Variants in CILP observed in about 807,000 individuals in gnomAD.
CILP encodes the protein cartilage intermediate layer protein, also known as cartilage intermediate layer protein 1.
Under a neutral mutation model 82.5 loss-of-function variants are expected in CILP, and 75 were observed. The ratio of observed to expected loss-of-function variants is 0.91; its 90% CI spans 0.75 to 1.10. The LOEUF (loss-of-function observed/expected upper bound fraction) is 1.10, where lower values mean the gene tolerates loss of function less well. Among genes scored for constraint, CILP ranks in the 50% least tolerant of loss-of-function variants. The pLI is 0.00. For missense variants in CILP, 1,479 were observed against 1,530.8 expected (o/e 0.97, Z 0.56); for synonymous variants, 530 against 580.3 (o/e 0.91, Z 1.25).
In CILP at chr15:65,209,872, A is replaced by G; in HGVS notation, c.-106-11T>C. 6 of 773,664 alleles carry G rather than the reference A, an allele frequency of 7.8e-6. No individual in the cohort carries two copies. The highest frequency in any genetic ancestry group is 1.3e-5 in the Non-Finnish European group (6 of 457,692). The allele number at this position is 773,664 out of a possible 1,614,324, so 47.9% of individuals were successfully genotyped here. A position where few individuals can be genotyped will look rare whatever the true frequency, so the allele number is the denominator to read the frequency against. ...CTCAGATCCAGTGACCTGTAAAGAA[A>G]CAAAGCTTGTCAGGTTTCATATTTC... On this transcript the variant is annotated splice_polypyrimidine_tract_variant and intron_variant, in intron 1 of 8. Transcript: ENST00000261883.
intron 2 of CILP, among the ~76,000 whole-genome samples, chr15:65,208,606 G>C (rs539892382): frequency 4.6e-5 from 7 of 152,138 alleles, no homozygotes; most frequent in African/African-American, 1.7e-4. Context: ...TTTTCCATAC[G>C]AGGCTGGCAG....
intron 2 of CILP, among the ~76,000 whole-genome samples, chr15:65,209,012 C>CTTTTTTTTTTTTTTTTTTTTTTTTTTTT: frequency 1.4e-5 from 1 of 69,980 alleles, no homozygotes; most frequent in Non-Finnish European, 2.4e-5. Flanking sequence ...GGGTTTTGAG[C>CTTTTTTTTTTTTTTTTTTTTTTTTTTTT]TTTTTTTTTT....
In CILP at chr15:65,204,475, C is replaced by T. The variant is rs1421607256; in HGVS notation, c.712G>A (p.Ala238Thr). ...AGGAGGTAGATAGCAGCCCCTGAGGCTGGGGCACCTCCGGGAAGGGAGACA... is the reference window on the plus strand; with the variant it reads ...AGGAGGTAGATAGCAGCCCCTGAGGTTGGGGCACCTCCGGGAAGGGAGACA... The part of the protein sequence containing the change: ...GAVSLPGGAP[A>T]SGAAIYLLTK... The change falls in exon 6 of 9, where the codon GCC (alanine) becomes ACC (threonine). Residue 238 changes from alanine to threonine, a missense_variant. Physicochemically the swap from Ala to Thr is moderately conservative, Grantham distance 58. Coordinates refer to ENST00000261883, the MANE Select transcript of CILP (RefSeq NM_003613.4). 6.2e-7 allele frequency: 1 copy of T among 1,613,920 alleles called. No homozygotes were observed. The highest frequency in any genetic ancestry group is 1.3e-5 in the African/African-American group (1 of 74,934).
At position 65,203,409 on chromosome 15, in the gene CILP, A is replaced by G. The variant is rs35566210; in HGVS notation, c.981T>C (p.Ser327=). The G allele has an allele frequency of 5.9e-3, 9,596 of 1,613,126 alleles. 141 individuals are homozygous for G. Among genetic ancestry groups the G allele is most frequent in the African/African-American group, 0.042 (3,184 of 75,008 alleles). ...TKARRAGQSV[S]LCCKATGKPR... is the part of the protein sequence containing the mutation. ...GCTTCCCTGTGGCCTTACAGCACAG[A>G]GACACGCTCTGCCCAGCTCTCCGTG... The change falls in exon 7 of 9, where the codon TCT becomes TCC. Residue 327 remains serine, a synonymous_variant. Transcript: ENST00000261883.
In CILP at chr15:65,204,416, G is replaced by C. The variant is rs201098875; in HGVS notation, c.771C>G (p.Asp257Glu). ...CAGGGATTCGGAATCTCCCATCACT[G>C]TCTGTCTGGGTCAGCAGCTTCGGCG... is the stretch of plus-strand genomic sequence containing the variant. ...TKTPKLLTQT[D>E]SDGRFRIPGL... The change falls in exon 6 of 9, where the codon GAC becomes GAG. Residue 257 changes from aspartate to glutamate, a missense_variant. Asp to Glu is a conservative substitution (Grantham distance 45). Transcript: ENST00000261883. The C allele has an allele frequency of 1.2e-6, 2 of 1,614,138 alleles. No homozygotes were observed. Among genetic ancestry groups the C allele is most frequent in the Admixed American group, 1.7e-5 (1 of 60,006 alleles).
chr15:65,197,319 A>G lies in CILP; in HGVS notation c.2967T>C (p.Asp989=). 1.2e-6 allele frequency: 2 copies of G among 1,614,112 alleles called. No homozygotes were observed. Among genetic ancestry groups the G allele is most frequent in the South Asian group, 2.2e-5 (2 of 91,054 alleles). The change falls in exon 9 of 9, where the codon GAT becomes GAC. Residue 989 remains aspartate (D), a synonymous_variant. Coordinates refer to ENST00000261883, the MANE Select transcript of CILP (RefSeq NM_003613.4). ...GGTCCCTGTCCCGAGTGCTCCTCAC[A>G]TCTCGGATTCCATACAGCTTCCCCA... is the stretch of plus-strand genomic sequence containing the variant. ...QTVGKLYGIR[D]VRSTRDRDQP...
In CILP at chr15:65,197,481, C is replaced by T; in HGVS notation, c.2805G>A (p.Met935Ile). 6.2e-7 allele frequency: 1 copy of T among 1,614,254 alleles called. No homozygotes were observed. The highest frequency in any genetic ancestry group is 8.5e-7 in the Non-Finnish European group (1 of 1,180,058). Residue 935 changes from methionine (M) to isoleucine (I), a missense_variant, in exon 9 of 9, where the codon ATG becomes ATA. Coordinates refer to ENST00000261883, the MANE Select transcript of CILP (RefSeq NM_003613.4). ...NTVPFNEDDP[M>I]SWTEDYLAWW... is the part of the protein sequence containing the mutation. The stretch of plus-strand genomic sequence containing the variant: ...ATGCCAGATAGTCTTCAGTCCAGCT[C>T]ATAGGGTCATCTTCGTTGAAGGGGA...
intron 6 of CILP, 23 bp from the exon 7 acceptor site, chr15:65,203,493 G>A: frequency 6.3e-7 from 1 of 1,582,464 alleles, no homozygotes; most frequent in Non-Finnish European, 8.7e-7. Flanking sequence ...ATGAGAAATA[G>A]CATTTTGGGT....
In CILP at chr15:65,197,019, CTCCTTGGCCGTGCGAGGG is replaced by C; in HGVS notation, c.3249_3266del (p.Asp1083_Lys1088del). ...CATCAAAGCACCGGCCGAGCGCGATCTCCTTGGCCGTGCGAGGGTCCTGGTCAGTGACAGTGTAGATGC... is the reference window on the plus strand; with the variant it reads ...CATCAAAGCACCGGCCGAGCGCGATCTCCTGGTCAGTGACAGTGTAGATGC... On this transcript the variant is annotated inframe_deletion, in exon 9 of 9. Coordinates refer to ENST00000261883, the MANE Select transcript of CILP (RefSeq NM_003613.4). 6.2e-7 allele frequency: 1 copy of C among 1,614,230 alleles called. No homozygotes were observed.
chr15:65,202,246 G>T (rs892429218), intron 7 of CILP, among the ~76,000 whole-genome samples: 2 of 152,150 alleles, frequency 1.3e-5, no homozygotes, highest in African/African-American at 4.8e-5. Flanking sequence ...GGCTGGGGAT[G>T]CTTGGACAAC....
intron 2 of CILP, among the ~76,000 whole-genome samples, chr15:65,208,291 G>A (rs1329444694): frequency 1.3e-5 from 2 of 152,212 alleles, no homozygotes; most frequent in African/African-American, 4.8e-5. Context: ...GATTGACAGT[G>A]TGGGCTCCTG....
rs201362899 is a variant in CILP, at chr15:65,198,952, A to G, written c.1334T>C (p.Ile445Thr). 1.9e-5 allele frequency: 30 copies of G among 1,613,764 alleles called. No individual in the cohort carries two copies. Among genetic ancestry groups the G allele is most frequent in the Non-Finnish European group, 2.4e-5 (28 of 1,180,034 alleles). ...GTTCTGCACAGCATCACGGCACCTG[A>G]TCCCATTATCCTGCTGCCCTGCACA... ...KTCAGQQDNG[I>T]RCRDAVQNCC... The change falls in exon 9 of 9, where the codon ATC becomes ACC. Residue 445 changes from isoleucine to threonine, a missense_variant. Physicochemically the swap from Ile to Thr is moderately conservative, Grantham distance 89 (BLOSUM62 -1). Coordinates refer to ENST00000261883, the MANE Select transcript of CILP (RefSeq NM_003613.4).
At chr15:65,200,798 A>G (rs190671662) in intron 8 of CILP, among the ~76,000 whole-genome samples, 140 of 152,296 alleles carry the variant, frequency 9.2e-4, no homozygotes, top group Non-Finnish European at 1.6e-3. Flanking sequence ...GACTCTCTGG[A>G]GGTAAGACTG....
chr15:65,205,421 G>C lies in CILP; in HGVS notation c.470C>G (p.Pro157Arg). The C allele has an allele frequency of 6.2e-7, 1 of 1,613,940 alleles. No individual in the cohort carries two copies. Among genetic ancestry groups the C allele is most frequent in the Non-Finnish European group, 8.5e-7 (1 of 1,179,924 alleles). The change falls in exon 5 of 9, where the codon CCC becomes CGC. Residue 157 changes from proline (P) to arginine (R), a missense_variant. Transcript: ENST00000261883. Reference sequence around the variant, plus strand: ...ACAGGCAGCTGAGCACTTGCTCCAGGGAGACCATGGGCTCCAGATGCGCTC... The same window carrying C: ...ACAGGCAGCTGAGCACTTGCTCCAGCGAGACCATGGGCTCCAGATGCGCTC... ...DTERIWSPWS[P>R]WSKCSAACGQ... is the part of the protein sequence containing the mutation.
At chr15:65,202,834 C>CTTTTTTTT (rs10634666) in intron 7 of CILP, among the ~76,000 whole-genome samples, 25 of 117,562 alleles carry the variant, frequency 2.1e-4, no homozygotes, top group African/African-American at 6.4e-4. Flanking sequence ...GGGACCACAG[C>CTTTTTTTT]TTTTTTTTTT....
Position 65,196,605 on chromosome 15 carries a change from G to T in CILP, c.*126C>A. On this transcript the variant is annotated 3_prime_UTR_variant, in exon 9 of 9. Transcript: ENST00000261883. ...CATGGGACAAAGTAAGTAAAGGCAT[G>T]AAGAAACAAACAAGCAAATTCACGA... The T allele has an allele frequency of 1.2e-6, 1 of 856,906 alleles. No homozygotes were observed. The highest frequency in any genetic ancestry group is 1.7e-6 in the Non-Finnish European group (1 of 575,796). 53.1% of individuals were successfully genotyped at this position (856,906 alleles called of 1,614,324 possible).
Position 65,198,496 on chromosome 15 carries a change from G to A in CILP, c.1790C>T (p.Pro597Leu). 1 of 1,614,242 alleles carries A rather than the reference G, an allele frequency of 6.2e-7. No individual in the cohort carries two copies. The stretch of plus-strand genomic sequence containing the variant: ...GGATGGAATCTCCAGTTCAGCCATG[G>A]GGTCTTCACCAACCACTTCCCCCAG... ...IPLGEVVGED[P>L]MAELEIPSRS... The change falls in exon 9 of 9, where the codon CCC becomes CTC. Residue 597 changes from proline (P) to leucine (L), a missense_variant. Pro to Leu is a moderately conservative substitution (Grantham distance 98). Coordinates refer to ENST00000261883, the MANE Select transcript of CILP (RefSeq NM_003613.4).
At position 65,197,902 on chromosome 15, in the gene CILP, C is replaced by T. The variant is rs564594161; in HGVS notation, c.2384G>A (p.Arg795His). The T allele has an allele frequency of 3.7e-5, 60 of 1,614,000 alleles. No homozygotes were observed. Among genetic ancestry groups the T allele is most frequent in the East Asian group, 6.7e-5 (3 of 44,872 alleles). ...GGGGCCTGTGATGACACTGTCAAAG[C>T]GGCCCCAGGCCCTAGGGTTGGACAA... ...GFLSNPRAWG[R>H]FDSVITGPNG... is the part of the protein sequence containing the mutation. Residue 795 changes from arginine to histidine, a missense_variant, in exon 9 of 9, where the codon CGC becomes CAC. Coordinates refer to ENST00000261883, the MANE Select transcript of CILP (RefSeq NM_003613.4).
In CILP at chr15:65,194,857, A is replaced by ACCCCCCCCCCAACCCC. The variant is rs1238102038; in HGVS notation, c.*1873_*1874insGGGGTTGGGGGGGGGG. The ACCCCCCCCCCAACCCC allele has an allele frequency of 2.8e-5, 2 of 71,030 alleles. No individual in the cohort carries two copies. The highest frequency in any genetic ancestry group is 5.7e-5 in the Non-Finnish European group (2 of 35,086). The allele number at this position is 71,030 out of a possible 1,614,324, so 4.4% of individuals were successfully genotyped here. A position where few individuals can be genotyped will look rare whatever the true frequency, so the allele number is the denominator to read the frequency against. ...GTCAGCCCACCTTCCCCAGCAACCC[A>ACCCCCCCCCCAACCCC]CCCCCCCCCGACCCTCCCCCTCCCC... On this transcript the variant is annotated 3_prime_UTR_variant, in exon 9 of 9. Coordinates refer to ENST00000261883, the MANE Select transcript of CILP (RefSeq NM_003613.4).
Sources: gnomAD v4.1 joint callset for allele counts (sites outside exome capture counted in the v4.1 genomes callset) on GRCh38, gnomAD v4.1.1 for gene constraint, MANE v1.5 for transcripts, NCBI Gene and HGNC (gene_info 2026-07-23, HGNC 2026-07-21) for gene names.